Variants in NR1H4 observed in about 807,000 individuals in gnomAD.
The protein encoded by NR1H4 is nuclear receptor subfamily 1 group H member 4.
NR1H4 carries 23 observed loss-of-function variants against 58.5 expected under a neutral mutation model. The observed-to-expected ratio is 0.39, with a 90% CI of 0.28 to 0.56. NR1H4 has a LOEUF of 0.56. Ranked by LOEUF, NR1H4 falls within the 20% of genes least tolerant of loss-of-function variation. The pLI is 0.58. For synonymous variants in NR1H4, 214 were observed against 198.0 expected (o/e 1.08, Z -0.68); for missense variants, 487 against 576.9 (o/e 0.84, Z 1.60).
At chr12:100,518,803 T>G (rs947822646) in intron 4 of NR1H4, among the ~76,000 whole-genome samples, 1 of 148,950 alleles carries the variant, frequency 6.7e-6, no homozygotes, top group Admixed American at 6.7e-5. Context: ...TTTTTTTTTT[T>G]TTTTTTTGAG....
chr12:100,532,711 C>A, intron 5 of NR1H4, 101 bp downstream of exon 5: 3 of 1,049,052 alleles, frequency 2.9e-6, no homozygotes, highest in South Asian at 3.0e-5. Flanking sequence ...AAAGAAGGAA[C>A]CTACTAAGCC....
chr12:100,546,212 CT>C (rs1372602578), intron 9 of NR1H4, among the ~76,000 whole-genome samples: 1 of 152,116 alleles, frequency 6.6e-6, no homozygotes, highest in Non-Finnish European at 1.5e-5. Context: ...TAACATTTTG[CT>C]TCACGAAAAA....
intron 4 of NR1H4, among the ~76,000 whole-genome samples, chr12:100,518,246 C>T (rs767899879): frequency 3.3e-5 from 5 of 152,132 alleles, no homozygotes; most frequent in Non-Finnish European, 7.3e-5. Context: ...CTGGAAAACA[C>T]TTACCTTAAA....
intron 9 of NR1H4, among the ~76,000 whole-genome samples, chr12:100,543,988 C>T (rs1173388805): frequency 6.6e-6 from 1 of 152,096 alleles, no homozygotes; most frequent in Non-Finnish European, 1.5e-5. Flanking sequence ...TGCGGTGGCT[C>T]ACGCCTCTAA....
intron 9 of NR1H4, among the ~76,000 whole-genome samples, chr12:100,555,475 A>G (rs1955301643): frequency 1.3e-5 from 2 of 152,206 alleles, no homozygotes; most frequent in South Asian, 4.1e-4. Context: ...TTTAAAACCT[A>G]CATGGCTTTG....
chr12:100,548,924 A>G (rs1201202203), intron 9 of NR1H4, among the ~76,000 whole-genome samples: 1 of 152,142 alleles, frequency 6.6e-6, no homozygotes, highest in Admixed American at 6.5e-5. Context: ...ACTGATAGGG[A>G]ATCTTCATAG....
Position 100,501,121 on chromosome 12 carries a change from C to G in NR1H4, c.79+7719C>G, listed in dbSNP as rs73378082. ...GGGTTTCCTGGGTCAGCTAAATAAT[C>G]CTGCTCATTTCTTATCTAGTATAGA... On this transcript the variant is annotated intron_variant, in intron 3 of 10. Coordinates refer to ENST00000392986, the MANE Select transcript of NR1H4 (RefSeq NM_001206979.2). 6.2e-3 allele frequency among the ~76,000 whole-genome samples: 937 copies of G among 151,754 alleles called. 7 individuals carry two copies. Among genetic ancestry groups the G allele is most frequent in the African/African-American group, 0.021 (877 of 41,354 alleles).
Position 100,512,364 on chromosome 12 carries a change from G to A in NR1H4, c.445+1221G>A, listed in dbSNP as rs182249836. ...AAATATAAAAATGACAATGTAGGCCGGGCATGGTGGCTCACGCCTGTAATC... is the reference window on the plus strand; with the variant it reads ...AAATATAAAAATGACAATGTAGGCCAGGCATGGTGGCTCACGCCTGTAATC... On this transcript the variant is annotated intron_variant, in intron 4 of 10. Transcript: ENST00000392986. Among the ~76,000 whole-genome samples the A allele has an allele frequency of 6.3e-3, 933 of 148,970 alleles. 7 individuals carry two copies. Among genetic ancestry groups the A allele is most frequent in the South Asian group, 0.021 (95 of 4,614 alleles).
intron 3 of NR1H4, among the ~76,000 whole-genome samples, chr12:100,494,093 T>G (rs888117153): frequency 6.6e-6 from 1 of 152,344 alleles, no homozygotes; most frequent in African/African-American, 2.4e-5. Flanking sequence ...ATAATAGCCC[T>G]GCTGGCAGCC....
chr12:100,487,845 CAAGTGAT>C (rs1332461871), intron 1 of NR1H4, among the ~76,000 whole-genome samples: 1 of 151,964 alleles, frequency 6.6e-6, no homozygotes, highest in Non-Finnish European at 1.5e-5. Flanking sequence ...CTCCTGACCT[CAAGTGAT>C]CCGCCTGTCT....
chr12:100,522,000 C>A (rs555744502), intron 4 of NR1H4, among the ~76,000 whole-genome samples: 1 of 152,188 alleles, frequency 6.6e-6, no homozygotes, highest in Non-Finnish European at 1.5e-5. Context: ...ACATGCTTTC[C>A]AATCCCAGCT....
chr12:100,540,769 A>C lies in NR1H4; in HGVS notation c.1029A>C (p.Lys343Asn), dbSNP rs1415553763. 2.5e-6 allele frequency: 4 copies of C among 1,614,148 alleles called. No homozygotes were observed. Among genetic ancestry groups the C allele is most frequent in the Non-Finnish European group, 3.4e-6 (4 of 1,180,012 alleles). ...FLRSAEIFNK[K>N]LPSGHSDLLE... is the part of the protein sequence containing the mutation. The stretch of plus-strand genomic sequence containing the variant: ...GTTCAGCTGAGATTTTCAATAAGAA[A>C]CTTCCGTCTGGGCATTCTGACCTAT... The change falls in exon 9 of 11, where the codon AAA becomes AAC. Residue 343 changes from lysine (K) to asparagine (N), a missense_variant. Coordinates refer to ENST00000392986, the MANE Select transcript of NR1H4 (RefSeq NM_001206979.2).
chr12:100,530,551 A>G (rs1002727367), intron 4 of NR1H4, among the ~76,000 whole-genome samples: 8 of 152,230 alleles, frequency 5.3e-5, no homozygotes, highest in East Asian at 3.8e-4. Context: ...GAAATTTCAC[A>G]GTGGATATTC....
chr12:100,477,766 G>A (rs1476971622), intron 1 of NR1H4, among the ~76,000 whole-genome samples: 1 of 152,036 alleles, frequency 6.6e-6, no homozygotes. Context: ...ATACCAGCCT[G>A]GGGCTTAAGG....
intron 1 of NR1H4, among the ~76,000 whole-genome samples, chr12:100,488,784 G>A (rs942022900): frequency 4.6e-5 from 7 of 152,170 alleles, no homozygotes; most frequent in Non-Finnish European, 1.0e-4. Flanking sequence ...TAAAAGTAAT[G>A]CAACAACATG....
chr12:100,521,145 T>C (rs550175777), intron 4 of NR1H4, among the ~76,000 whole-genome samples: 1 of 152,060 alleles, frequency 6.6e-6, no homozygotes, highest in Non-Finnish European at 1.5e-5. Context: ...AAAGCAACCT[T>C]AGAAACAAAA....
At chr12:100,543,485 A>G (rs976392179) in intron 9 of NR1H4, among the ~76,000 whole-genome samples, 2 of 152,062 alleles carry the variant, frequency 1.3e-5, no homozygotes, top group Non-Finnish European at 2.9e-5. Context: ...GATCTGGGAG[A>G]TATATCTTCG....
At chr12:100,476,288 G>T (rs1179929453) in intron 1 of NR1H4, among the ~76,000 whole-genome samples, 3 of 152,148 alleles carry the variant, frequency 2.0e-5, no homozygotes, top group African/African-American at 4.8e-5. Context: ...GGGGTGATTT[G>T]TTAAACCCAG....
chr12:100,531,124 C>T (rs1463233167), intron 4 of NR1H4, among the ~76,000 whole-genome samples: 1 of 152,094 alleles, frequency 6.6e-6, no homozygotes, highest in East Asian at 1.9e-4. Flanking sequence ...AGACACATAC[C>T]ATGGGCTAGA....
Sources: gnomAD v4.1 joint callset for allele counts (sites outside exome capture counted in the v4.1 genomes callset) on GRCh38, gnomAD v4.1.1 for gene constraint, MANE v1.5 for transcripts, NCBI Gene and HGNC (gene_info 2026-07-23, HGNC 2026-07-21) for gene names.